Variants in TRIM2 observed in about 807,000 individuals in gnomAD.
TRIM2 encodes the protein tripartite motif containing 2.
Under a neutral mutation model 75.2 loss-of-function variants are expected in TRIM2, and 20 were observed. That is an observed-to-expected ratio of 0.27 (90% CI 0.19 to 0.39). The LOEUF (loss-of-function observed/expected upper bound fraction) is 0.39, where lower values mean the gene tolerates loss of function less well. Ranked by LOEUF, TRIM2 falls within the 10% of genes least tolerant of loss-of-function variation. The pLI is 1.00. For synonymous variants in TRIM2, 373 were observed against 388.3 expected (o/e 0.96, Z 0.46); for missense variants, 660 against 990.8 (o/e 0.67, Z 4.48).
chr4:153,337,944 G>T lies in TRIM2; in HGVS notation c.*2978G>T. Reference sequence around the variant, plus strand: ...GACATGGGGAGGCAGAGAGTCACTTGACCATCCAGAAATACATGACTACAA... The same window carrying T: ...GACATGGGGAGGCAGAGAGTCACTTTACCATCCAGAAATACATGACTACAA... On this transcript the variant is annotated 3_prime_UTR_variant, in exon 12 of 12. Coordinates refer to ENST00000338700, the MANE Select transcript of TRIM2 (RefSeq NM_015271.5). 1 of 985,758 alleles carries T rather than the reference G, an allele frequency of 1.0e-6. No individual in the cohort carries two copies. The highest frequency in any genetic ancestry group is 1.1e-4 in the East Asian group (1 of 8,816). The allele number at this position is 985,758 out of a possible 1,614,324, so 61.1% of individuals were successfully genotyped here. A position where few individuals can be genotyped will look rare whatever the true frequency, so the allele number is the denominator to read the frequency against.
intron 1 of TRIM2, among the ~76,000 whole-genome samples, chr4:153,251,325 G>T (rs1750826455): frequency 6.6e-6 from 1 of 152,180 alleles, no homozygotes; most frequent in Non-Finnish European, 1.5e-5. Flanking sequence ...AGAGAGTCTG[G>T]ACTGTCCAGA....
intron 1 of TRIM2, among the ~76,000 whole-genome samples, chr4:153,167,827 C>T (rs1398230203): frequency 6.6e-6 from 1 of 152,218 alleles, no homozygotes; most frequent in Non-Finnish European, 1.5e-5. Flanking sequence ...GCATGAGGTT[C>T]TGTCCACCAG....
At position 153,307,685 on chromosome 4, in the gene TRIM2, T is replaced by C. The variant is rs1765312557; in HGVS notation, c.1511-7800T>C. The stretch of plus-strand genomic sequence containing the variant: ...CAGGAACAGCCACAGGGACTGCTAG[T>C]CACAAGCGGGTTTTCTAGACCTGTT... On this transcript the variant is annotated intron_variant, in intron 6 of 11. Coordinates refer to ENST00000338700, the MANE Select transcript of TRIM2 (RefSeq NM_015271.5). 3 of 505,934 alleles carry C rather than the reference T, an allele frequency of 5.9e-6. No homozygotes were observed. In the Admixed American group the frequency reaches 8.1e-5, roughly 14 times the overall value. 31.3% of individuals were successfully genotyped at this position (505,934 alleles called of 1,614,324 possible). A position where few individuals can be genotyped will look rare whatever the true frequency, so the allele number is the denominator to read the frequency against.
At chr4:153,241,573 G>C (rs1177670195) in intron 1 of TRIM2, among the ~76,000 whole-genome samples, 6 of 152,230 alleles carry the variant, frequency 3.9e-5, no homozygotes, top group Non-Finnish European at 8.8e-5. Context: ...GCCTCAGAGA[G>C]GAGGCAGCAT....
intron 1 of TRIM2, among the ~76,000 whole-genome samples, chr4:153,226,680 G>A (rs1488788329): frequency 1.3e-5 from 2 of 152,192 alleles, no homozygotes; most frequent in South Asian, 2.1e-4. Flanking sequence ...CCATTAGGAT[G>A]AGGACTAGCG....
chr4:153,257,724 A>C (rs1372360571), intron 1 of TRIM2: 1 of 674,964 alleles, frequency 1.5e-6, no homozygotes, highest in Non-Finnish European at 2.3e-6. Context: ...GGGAGGATTT[A>C]ATTCTTTGCC....
chr4:153,285,605 G>T (rs1476728049), intron 3 of TRIM2, among the ~76,000 whole-genome samples: 2 of 152,172 alleles, frequency 1.3e-5, no homozygotes. Context: ...TTACAGGCAT[G>T]AGCCACCATG....
chr4:153,295,259 G>A lies in TRIM2; in HGVS notation c.787-54G>A, dbSNP rs1484222781. The A allele has an allele frequency of 6.7e-6, 10 of 1,491,756 alleles. No individual in the cohort carries two copies. The East Asian group carries it at 1.2e-4, about 18-fold the overall frequency. 92.4% of individuals were successfully genotyped at this position (1,491,756 alleles called of 1,614,324 possible). A position where few individuals can be genotyped will look rare whatever the true frequency, so the allele number is the denominator to read the frequency against. On this transcript the variant is annotated intron_variant, in intron 5 of 11. Coordinates refer to ENST00000338700, the MANE Select transcript of TRIM2 (RefSeq NM_015271.5). The surrounding 1 kb of genome is among the most constrained non-coding windows in gnomAD (Gnocchi z 7.2). ...TCTCGCCGGTGGAGGGCACTGCCCC[G>A]GGCTAGGCCCCGCCCTGTGGGACGA...
intron 1 of TRIM2, among the ~76,000 whole-genome samples, chr4:153,172,957 G>C (rs11099875): frequency 0.47 from 71,777 of 151,568 alleles, 17,137 homozygotes; most frequent in African/African-American, 0.53. Context: ...ACCCCAGGGG[G>C]TTGGGAAGAG....
intron 3 of TRIM2, among the ~76,000 whole-genome samples, chr4:153,290,959 A>C (rs1435495037): frequency 6.6e-6 from 1 of 152,168 alleles, no homozygotes; most frequent in Non-Finnish European, 1.5e-5. Context: ...GAATGCATAC[A>C]AGAAATTTCC....
At chr4:153,265,526 G>A (rs1363923997) in intron 1 of TRIM2, 1 of 152,068 alleles carries the variant, frequency 6.6e-6, no homozygotes, top group Non-Finnish European at 1.5e-5. Flanking sequence ...TGTATTTTTA[G>A]TGGAGACAGG....
At chr4:153,184,489 G>T (rs1732396627) in intron 1 of TRIM2, among the ~76,000 whole-genome samples, 1 of 152,174 alleles carries the variant, frequency 6.6e-6, no homozygotes, top group Non-Finnish European at 1.5e-5. Context: ...TTGGGGGCTA[G>T]GGTTTCAATG....
Position 153,295,540 on chromosome 4 carries a change from C to T in TRIM2, c.1014C>T (p.Ser338=), listed in dbSNP as rs749912017. ...TGGAAACCGAGGGGCTGAAGAAGTC[C>T]ATCCACAACCTCGGGACGATCTTAA... is the stretch of plus-strand genomic sequence containing the variant. ...FIVETEGLKK[S]IHNLGTILTT... The change falls in exon 6 of 12, where the codon TCC becomes TCT. Residue 338 remains serine, a synonymous_variant. Transcript: ENST00000338700. The surrounding 1 kb of genome is among the most constrained non-coding windows in gnomAD (Gnocchi z 7.2). 5 of 1,613,368 alleles carry T rather than the reference C, an allele frequency of 3.1e-6. No homozygotes were observed. The Admixed American group carries it at 8.3e-5, about 27-fold the overall frequency.
chr4:153,239,834 C>T (rs55942353), intron 1 of TRIM2, among the ~76,000 whole-genome samples: 18,743 of 117,404 alleles, frequency 0.16, 1,913 homozygotes, highest in African/African-American at 0.36. Context: ...CTTTCTTTCT[C>T]TTTTTTTTTT....
intron 1 of TRIM2, among the ~76,000 whole-genome samples, chr4:153,194,220 T>TTG (rs1324339968): frequency 6.6e-6 from 1 of 152,178 alleles, no homozygotes; most frequent in Non-Finnish European, 1.5e-5. Flanking sequence ...GCATTCATAA[T>TTG]CTCTCATCTC....
At chr4:153,167,944 A>C (rs191930048) in intron 1 of TRIM2, among the ~76,000 whole-genome samples, 1 of 152,240 alleles carries the variant, frequency 6.6e-6, no homozygotes, top group Non-Finnish European at 1.5e-5. Context: ...GGTAAAACAC[A>C]TAAGTGTTGG....
chr4:153,280,415 T>C (rs1759051154), intron 3 of TRIM2, among the ~76,000 whole-genome samples: 1 of 133,588 alleles, frequency 7.5e-6, no homozygotes, highest in Non-Finnish European at 1.6e-5. Context: ...GGTCTCACTC[T>C]GTCACCAAGG....
At chr4:153,328,881 C>T (rs1770833912) in intron 11 of TRIM2, among the ~76,000 whole-genome samples, 1 of 151,988 alleles carries the variant, frequency 6.6e-6, no homozygotes, top group African/African-American at 2.4e-5. Context: ...TTAATATGGA[C>T]CCCACAGACC....
At chr4:153,284,890 G>A (rs1760240770) in intron 3 of TRIM2, among the ~76,000 whole-genome samples, 1 of 152,020 alleles carries the variant, frequency 6.6e-6, no homozygotes, top group African/African-American at 2.4e-5. Flanking sequence ...ATTTTGTGGG[G>A]TTTCTTTTCA....
Sources: allele counts gnomAD v4.1 joint callset (sites outside exome capture counted in the v4.1 genomes callset), GRCh38; gene constraint gnomAD v4.1.1; non-coding constraint Gnocchi (gnomAD v3.1); transcripts MANE v1.5; gene names NCBI Gene and HGNC (gene_info 2026-07-23, HGNC 2026-07-21).